Variants in USP13 observed in about 807,000 individuals in gnomAD.
USP13 encodes ubiquitin carboxyl-terminal hydrolase 13.
In USP13, 68 loss-of-function variants were observed where a neutral mutation model predicts 107.8. That is an observed-to-expected ratio of 0.63 (90% confidence interval 0.52 to 0.77). USP13 has a LOEUF of 0.77. USP13 is among the 30% of genes least tolerant of loss of function. USP13 has a pLI of 0.00. For missense variants in USP13, 945 were observed against 1,093.3 expected (o/e 0.86, Z 1.91); for synonymous variants, 377 against 389.5 (o/e 0.97, Z 0.38).
At chr3:179,735,249 T>C (rs752053683) in intron 10 of USP13, among the ~76,000 whole-genome samples, 2 of 152,184 alleles carry the variant, frequency 1.3e-5, no homozygotes, top group Non-Finnish European at 2.9e-5. Flanking sequence ...CTTGGTCAAG[T>C]TGGGTCTCTG....
intron 19 of USP13, among the ~76,000 whole-genome samples, chr3:179,777,835 G>A (rs561391050): frequency 6.6e-6 from 1 of 152,170 alleles, no homozygotes; most frequent in African/African-American, 2.4e-5. Flanking sequence ...TTTAAGATTA[G>A]GAATTTGATA....
intron 10 of USP13, among the ~76,000 whole-genome samples, chr3:179,731,032 A>G (rs952509083): frequency 2.0e-5 from 3 of 152,194 alleles, no homozygotes; most frequent in African/African-American, 7.2e-5. Flanking sequence ...CCCTTTGGTA[A>G]CACAGTCTCG....
At chr3:179,760,369 C>T (rs557063542) in intron 16 of USP13, among the ~76,000 whole-genome samples, 7 of 150,940 alleles carry the variant, frequency 4.6e-5, no homozygotes, top group Non-Finnish European at 8.9e-5. Context: ...CTGCAAGCTC[C>T]GCCTCCTGAG....
chr3:179,762,210 A>T (rs1247192767), intron 17 of USP13, among the ~76,000 whole-genome samples: 2 of 152,246 alleles, frequency 1.3e-5, no homozygotes, highest in South Asian at 2.1e-4. Flanking sequence ...TTTGGTTTCT[A>T]TCACTTAGCA....
chr3:179,779,205 G>A (rs759130163), intron 19 of USP13, among the ~76,000 whole-genome samples: 9 of 150,880 alleles, frequency 6.0e-5, no homozygotes, highest in Non-Finnish European at 1.3e-4. Flanking sequence ...TTTGGGGGCC[G>A]AGTAATGACC....
At chr3:179,769,624 G>C (rs144162923) in intron 19 of USP13, among the ~76,000 whole-genome samples, 4,389 of 152,206 alleles carry the variant, frequency 0.029, 131 homozygotes, top group Middle Eastern at 0.14. Context: ...GCCCAGGCTG[G>C]TCTCCAACTC....
chr3:179,740,939 G>A (rs1325269680), intron 11 of USP13, among the ~76,000 whole-genome samples: 2 of 151,840 alleles, frequency 1.3e-5, no homozygotes, highest in Non-Finnish European at 2.9e-5. Context: ...GCTAATTTTT[G>A]TATTTTTAGT....
At chr3:179,768,482 G>A (rs2108542484) in intron 19 of USP13, among the ~76,000 whole-genome samples, 1 of 152,322 alleles carries the variant, frequency 6.6e-6, no homozygotes, top group South Asian at 2.1e-4. Flanking sequence ...GGGATTGAGG[G>A]TGAGAGTAGC....
rs1715862645 is a variant in USP13, at chr3:179,784,560, T to C, written c.*419T>C. 6.4e-6 allele frequency: 1 copy of C among 156,190 alleles called. No homozygotes were observed. Among genetic ancestry groups the C allele is most frequent in the Non-Finnish European group, 1.4e-5 (1 of 70,594 alleles). 9.7% of individuals were successfully genotyped at this position (156,190 alleles called of 1,614,324 possible). A position where few individuals can be genotyped will look rare whatever the true frequency, so the allele number is the denominator to read the frequency against. On this transcript the variant is annotated 3_prime_UTR_variant, in exon 21 of 21. Transcript: ENST00000263966. Reference sequence around the variant, plus strand: ...ACCCACAACAAATGAAAAGCCCACTTGTGTTTCATATAGAAAATCAGCAGT... The same window carrying C: ...ACCCACAACAAATGAAAAGCCCACTCGTGTTTCATATAGAAAATCAGCAGT...
intron 6 of USP13, among the ~76,000 whole-genome samples, chr3:179,718,702 C>G (rs530283428): frequency 1.3e-5 from 2 of 152,100 alleles, no homozygotes; most frequent in Non-Finnish European, 2.9e-5. Flanking sequence ...CTGAAGATCT[C>G]GTTAAAAATG....
chr3:179,701,352 C>T (rs1448935182), intron 4 of USP13, among the ~76,000 whole-genome samples: 3 of 152,176 alleles, frequency 2.0e-5, no homozygotes, highest in East Asian at 1.9e-4. Flanking sequence ...CTGTCTCTTA[C>T]TTCAAGTGCT....
At chr3:179,698,369 T>C (rs1319555509) in intron 3 of USP13, among the ~76,000 whole-genome samples, 2 of 152,200 alleles carry the variant, frequency 1.3e-5, no homozygotes, top group Non-Finnish European at 2.9e-5. Context: ...TAGGGTGCCT[T>C]AAAACTTTAT....
intron 4 of USP13, among the ~76,000 whole-genome samples, chr3:179,704,473 C>T (rs1051326249): frequency 1.3e-5 from 2 of 152,196 alleles, no homozygotes; most frequent in Admixed American, 1.3e-4. Flanking sequence ...GCCCTCTTCC[C>T]TGCACAGCAG....
At chr3:179,654,616 T>A (rs926940436) in intron 1 of USP13, among the ~76,000 whole-genome samples, 2 of 152,216 alleles carry the variant, frequency 1.3e-5, no homozygotes, top group Admixed American at 1.3e-4. Flanking sequence ...AGATCTCATA[T>A]GTCACCCGGC....
rs1715869749 is a variant in USP13, at chr3:179,784,763, G to A, written c.*622G>A. 6.6e-6 allele frequency: 1 copy of A among 152,222 alleles called. No individual in the cohort carries two copies. The highest frequency in any genetic ancestry group is 6.5e-5 in the Admixed American group (1 of 15,290). The allele number at this position is 152,222 out of a possible 1,614,324, so 9.4% of individuals were successfully genotyped here. ...AATGTGTGTGAGACTGACTGAGAGTGTGAGACTTTTACTAGAAAAGTGAGT... is the reference window on the plus strand; with the variant it reads ...AATGTGTGTGAGACTGACTGAGAGTATGAGACTTTTACTAGAAAAGTGAGT... On this transcript the variant is annotated 3_prime_UTR_variant, in exon 21 of 21. Transcript: ENST00000263966.
intron 1 of USP13, among the ~76,000 whole-genome samples, chr3:179,658,029 C>A (rs1222821340): frequency 6.6e-6 from 1 of 152,086 alleles, no homozygotes; most frequent in African/African-American, 2.4e-5. Context: ...TGAGGCGAGT[C>A]TCTGGCTTGT....
chr3:179,703,869 G>C (rs1173498982), intron 4 of USP13, among the ~76,000 whole-genome samples: 2 of 152,180 alleles, frequency 1.3e-5, no homozygotes, highest in African/African-American at 2.4e-5. Flanking sequence ...TTATTTAGTC[G>C]TAAGTTTTTA....
chr3:179,668,915 A>G (rs1477689941), intron 1 of USP13, among the ~76,000 whole-genome samples: 4 of 152,204 alleles, frequency 2.6e-5, no homozygotes, highest in African/African-American at 9.6e-5. Flanking sequence ...TTGCTCTAGA[A>G]GCGAGAATAT....
At chr3:179,655,548 G>GTTTTTTTTTTTTTTT (rs150977876) in intron 1 of USP13, among the ~76,000 whole-genome samples, 26 of 131,396 alleles carry the variant, frequency 2.0e-4, no homozygotes, top group African/African-American at 7.3e-4. Context: ...TAATGGGAAG[G>GTTTTTTTTTTTTTTT]TTTTTTTTGT....
Sources: allele counts gnomAD v4.1 joint callset (sites outside exome capture counted in the v4.1 genomes callset), GRCh38; gene constraint gnomAD v4.1.1; transcripts MANE v1.5; gene names NCBI Gene and HGNC (gene_info 2026-07-23, HGNC 2026-07-21).